FARS2: variants seen among roughly 807,000 people sequenced by gnomAD.
The protein encoded by FARS2 is phenylalanyl-tRNA synthetase 2, mitochondrial.
In FARS2, 40 loss-of-function variants were observed where a neutral mutation model predicts 46.4. The ratio of observed to expected loss-of-function variants is 0.86; its 90% CI spans 0.67 to 1.12. The LOEUF is 1.12. Ranked by LOEUF, FARS2 falls within the 50% of genes most tolerant of loss-of-function variation. The pLI, the probability that FARS2 is intolerant of heterozygous loss-of-function variation, is 0.00. For missense variants in FARS2, 513 were observed against 567.9 expected (o/e 0.90, Z 0.98); for synonymous variants, 234 against 214.9 (o/e 1.09, Z -0.78).
chr6:5,663,600 A>G (rs1347962583), intron 6 of FARS2, among the ~76,000 whole-genome samples: 1 of 152,202 alleles, frequency 6.6e-6, no homozygotes, highest in Non-Finnish European at 1.5e-5. Context: ...TTGAGAGCTT[A>G]AAAGAGCGGA....
intron 6 of FARS2, among the ~76,000 whole-genome samples, chr6:5,646,225 T>A (rs545030980): frequency 3.9e-5 from 6 of 152,316 alleles, no homozygotes; most frequent in African/African-American, 1.4e-4. Context: ...ACATTGTTAC[T>A]CCCATGGCCT....
At chr6:5,499,870 A>C (rs1282959770) in intron 4 of FARS2, among the ~76,000 whole-genome samples, 2 of 152,198 alleles carry the variant, frequency 1.3e-5, no homozygotes, top group Non-Finnish European at 2.9e-5. Flanking sequence ...TGGGTACAGC[A>C]ATGGCCTACA....
chr6:5,404,158 A>G (rs1761418146), intron 2 of FARS2, among the ~76,000 whole-genome samples: 1 of 152,192 alleles, frequency 6.6e-6, no homozygotes, highest in Admixed American at 6.5e-5. Context: ...TGGACCTTAC[A>G]GGATTTAATT....
At chr6:5,608,823 T>C (rs762988935) in intron 5 of FARS2, among the ~76,000 whole-genome samples, 16 of 152,060 alleles carry the variant, frequency 1.1e-4, no homozygotes, top group Non-Finnish European at 1.9e-4. Context: ...GAAGGAATTC[T>C]AACTTCACAC....
At chr6:5,283,392 A>C (rs1453742086) in intron 1 of FARS2, among the ~76,000 whole-genome samples, 4 of 150,646 alleles carry the variant, frequency 2.7e-5, no homozygotes, top group East Asian at 1.9e-4. Context: ...AAAAAAAAAA[A>C]AAACAAATTA....
chr6:5,715,314 C>A (rs1759430370), intron 6 of FARS2, among the ~76,000 whole-genome samples: 1 of 152,292 alleles, frequency 6.6e-6, no homozygotes, highest in East Asian at 1.9e-4. Context: ...CCCACACCCT[C>A]CCCAGCATGC....
intron 5 of FARS2, among the ~76,000 whole-genome samples, chr6:5,574,268 A>G (rs537758606): frequency 6.6e-6 from 1 of 152,010 alleles, no homozygotes; most frequent in Non-Finnish European, 1.5e-5. Flanking sequence ...GGGACTACAG[A>G]TGTGTGCCAC....
intron 5 of FARS2, among the ~76,000 whole-genome samples, chr6:5,568,541 GT>G (rs1042689232): frequency 3.9e-5 from 6 of 152,106 alleles, no homozygotes; most frequent in African/African-American, 1.4e-4. Flanking sequence ...AGTCTGCACT[GT>G]GTGGCAGGCA....
chr6:5,289,442 C>G (rs1767352567), intron 1 of FARS2, among the ~76,000 whole-genome samples: 1 of 152,188 alleles, frequency 6.6e-6, no homozygotes, highest in South Asian at 2.1e-4. Context: ...GCAAGTGGCT[C>G]AAGAGCCCAG....
intron 4 of FARS2, among the ~76,000 whole-genome samples, chr6:5,544,979 G>A (rs777038079): frequency 1.3e-5 from 2 of 152,158 alleles, no homozygotes; most frequent in Non-Finnish European, 2.9e-5. Context: ...TTCAGAATCC[G>A]TTCATGAGGG....
At chr6:5,356,128 C>G (rs1194767826) in intron 1 of FARS2, among the ~76,000 whole-genome samples, 1 of 152,136 alleles carries the variant, frequency 6.6e-6, no homozygotes, top group Non-Finnish European at 1.5e-5. Context: ...CCTTTCTGTG[C>G]TGTTTGTTGG....
chr6:5,368,855 G>A lies in FARS2; in HGVS notation c.285G>A (p.Glu95=). 1 of 1,614,192 alleles carries A rather than the reference G, an allele frequency of 6.2e-7. No homozygotes were observed. The highest frequency in any genetic ancestry group is 8.5e-7 in the Non-Finnish European group (1 of 1,180,032). Residue 95 remains glutamate, a synonymous_variant, in exon 2 of 7, where the codon GAG becomes GAA. Transcript: ENST00000274680. The stretch of plus-strand genomic sequence containing the variant: ...GGCTGATCAAGGAGAGGGTGAAGGA[G>A]CACTTCTACAAGCAGTATGTGGGCC... ...PLWLIKERVK[E]HFYKQYVGRF...
In FARS2 at chr6:5,431,722, T is replaced by G. The variant is rs547201699; in HGVS notation, c.904+550T>G. The G allele has an allele frequency of 2.1e-5, 11 of 531,328 alleles. No individual in the cohort carries two copies. In the Admixed American group the frequency reaches 2.1e-4, roughly 10 times the overall value. 32.9% of individuals were successfully genotyped at this position (531,328 alleles called of 1,614,324 possible). ...AAACACGAGGTTGCTGATTGAATTC[T>G]ACGCATATCTATAGGCATTTCAGAA... On this transcript the variant is annotated intron_variant, in intron 4 of 6. Coordinates refer to ENST00000274680, the MANE Select transcript of FARS2 (RefSeq NM_006567.5).
intron 5 of FARS2, among the ~76,000 whole-genome samples, chr6:5,596,532 T>G (rs920375640): frequency 6.6e-6 from 1 of 152,220 alleles, no homozygotes; most frequent in African/African-American, 2.4e-5. Context: ...ATAAGGGAAA[T>G]TAATCATTAA....
At chr6:5,265,450 C>T (rs1765487738) in intron 1 of FARS2, among the ~76,000 whole-genome samples, 2 of 152,178 alleles carry the variant, frequency 1.3e-5, no homozygotes, top group Non-Finnish European at 2.9e-5. Flanking sequence ...TATGCATTGG[C>T]TGAGTTATAT....
chr6:5,710,992 GTCT>G (rs774604421), intron 6 of FARS2, among the ~76,000 whole-genome samples: 4 of 152,296 alleles, frequency 2.6e-5, no homozygotes, highest in South Asian at 2.1e-4. Flanking sequence ...AAGTCTACAA[GTCT>G]TCTTGGAGAA....
intron 4 of FARS2, among the ~76,000 whole-genome samples, chr6:5,469,356 C>A (rs550850128): frequency 2.0e-5 from 3 of 152,238 alleles, no homozygotes; most frequent in Non-Finnish European, 4.4e-5. Context: ...TGCGGAGCCC[C>A]GCCCCACACT....
chr6:5,427,818 C>G (rs1315892890), intron 3 of FARS2, among the ~76,000 whole-genome samples: 1 of 151,992 alleles, frequency 6.6e-6, no homozygotes, highest in Non-Finnish European at 1.5e-5. Context: ...TGGCTGAGAT[C>G]TTAAACCAAA....
At chr6:5,523,612 CT>C (rs1418922521) in intron 4 of FARS2, among the ~76,000 whole-genome samples, 1 of 152,156 alleles carries the variant, frequency 6.6e-6, no homozygotes. Context: ...TGCATCAGAC[CT>C]TATGCATAGG....
Sources: allele counts gnomAD v4.1 joint callset (sites outside exome capture counted in the v4.1 genomes callset), GRCh38; gene constraint gnomAD v4.1.1; transcripts MANE v1.5; gene names NCBI Gene and HGNC (gene_info 2026-07-23, HGNC 2026-07-21).